USP9Y: variants seen among roughly 807,000 people sequenced by gnomAD.
USP9Y encodes ubiquitin specific peptidase 9 Y-linked, also known as ubiquitin carboxyl-terminal hydrolase 9Y.
USP9Y carries 41 observed loss-of-function variants against 53.1 expected under a neutral mutation model. The ratio of observed to expected loss-of-function variants is 0.77; its 90% confidence interval spans 0.60 to 1.00. The LOEUF (loss-of-function observed/expected upper bound fraction) is 1.00, where lower values mean the gene tolerates loss of function less well. USP9Y is among the 50% of genes least tolerant of loss of function. The pLI, the probability that USP9Y is intolerant of heterozygous loss-of-function variation, is 0.00. For missense variants in USP9Y, 567 were observed against 535.8 expected (o/e 1.06, Z -0.58); for synonymous variants, 220 against 173.7 (o/e 1.27, Z -2.09).
At chrY:12,816,424 G>A in intron 32 of USP9Y, 80 bp downstream of exon 32, 2 of 244,438 alleles carry the variant, frequency 8.2e-6, no homozygotes, top group East Asian at 1.1e-4. Flanking sequence ...ACTTTCATGG[G>A]ATGTTATGGG....
At chrY:12,713,708 CTGTAGCA>C (rs2053427123) in intron 3 of USP9Y, among the ~76,000 whole-genome samples, 1 of 31,271 alleles carries the variant, frequency 3.2e-5, no homozygotes, top group Non-Finnish European at 7.6e-5. Flanking sequence ...AGATGTTTGC[CTGTAGCA>C]TGTTTCAAAC....
At chrY:12,716,252 A>C (rs779249135) in intron 3 of USP9Y, among the ~76,000 whole-genome samples, 1 of 34,241 alleles carries the variant, frequency 2.9e-5, no homozygotes, top group African/African-American at 1.1e-4. Context: ...GTAAGTTCTA[A>C]ACAGAAAAAA....
chrY:12,805,722 A>G (rs2053523902), intron 27 of USP9Y, among the ~76,000 whole-genome samples: 1 of 33,126 alleles, frequency 3.0e-5, no homozygotes, highest in South Asian at 6.9e-4. Context: ...AAAGCTGTAA[A>G]CCTTGAGATA....
chrY:12,736,775 A>C, intron 10 of USP9Y, among the ~76,000 whole-genome samples: 1 of 32,596 alleles, frequency 3.1e-5, no homozygotes, highest in Admixed American at 2.8e-4. Context: ...TTTTGAATGT[A>C]GCTTTGATGT....
At chrY:12,778,365 G>T (rs2053495230) in intron 20 of USP9Y, 106 bp downstream of exon 20, 4 of 232,982 alleles carry the variant, frequency 1.7e-5, no homozygotes, top group Non-Finnish European at 1.9e-5. Context: ...ATGTCTGTTG[G>T]GCATCTAACT....
At chrY:12,790,907 C>G in intron 25 of USP9Y, among the ~76,000 whole-genome samples, 1 of 33,378 alleles carries the variant, frequency 3.0e-5, no homozygotes, top group Non-Finnish European at 7.4e-5. Context: ...GAATCATATA[C>G]GTTGTACTCT....
At chrY:12,848,372 T>C (rs1569393164) in intron 42 of USP9Y, among the ~76,000 whole-genome samples, 2 of 33,352 alleles carry the variant, frequency 6.0e-5, no homozygotes, top group East Asian at 1.6e-3. Flanking sequence ...TATTAGGCCT[T>C]TGTCAGATGG....
intron 7 of USP9Y, among the ~76,000 whole-genome samples, chrY:12,729,306 A>G (rs2148280998): frequency 2.9e-5 from 1 of 34,502 alleles, no homozygotes; most frequent in Non-Finnish European, 7.3e-5. Flanking sequence ...CTTTTGCCGC[A>G]TCTCATAAGT....
chrY:12,760,041 A>G (rs2053473615), intron 14 of USP9Y, among the ~76,000 whole-genome samples: 40 of 33,864 alleles, frequency 1.2e-3, no homozygotes, highest in Admixed American at 0.011. Flanking sequence ...CAGTACATAC[A>G]CTTTCTTAAG....
At chrY:12,855,991 T>G in intron 42 of USP9Y, among the ~76,000 whole-genome samples, 1 of 32,158 alleles carries the variant, frequency 3.1e-5, no homozygotes, top group African/African-American at 1.2e-4. Flanking sequence ...AAAAGAAATA[T>G]GAAAAATTAT....
chrY:12,842,550 A>G lies in USP9Y; in HGVS notation c.6438+85A>G. Reference sequence around the variant, plus strand: ...TCTGCAAATTCATATTAGCAAATTTATGTTCCTCTCTTTGATGTATTCACC... The same window carrying G: ...TCTGCAAATTCATATTAGCAAATTTGTGTTCCTCTCTTTGATGTATTCACC... On this transcript the variant is annotated intron_variant, in intron 38 of 45. Coordinates refer to ENST00000338981, the MANE Select transcript of USP9Y (RefSeq NM_004654.4). 3 of 213,990 alleles carry G rather than the reference A, an allele frequency of 1.4e-5. No individual in the cohort carries two copies. In the Admixed American group the frequency reaches 3.1e-4, roughly 22 times the overall value. 53.4% of individuals were successfully genotyped at this position (213,990 alleles called of 400,897 possible).
At chrY:12,707,642 TTCTC>T (rs2053420483) in intron 1 of USP9Y, among the ~76,000 whole-genome samples, 1 of 33,420 alleles carries the variant, frequency 3.0e-5, no homozygotes, top group Non-Finnish European at 7.4e-5. Flanking sequence ...CTTACTCTGT[TTCTC>T]TCTCTCTCTT....
chrY:12,785,584 A>C (rs1004265968), intron 22 of USP9Y, among the ~76,000 whole-genome samples: 1 of 33,045 alleles, frequency 3.0e-5, no homozygotes, highest in Non-Finnish European at 7.5e-5. Context: ...AGTTTTTCCA[A>C]AGTGGCTGTA....
Position 12,840,166 on chromosome Y carries a change from G to T in USP9Y, c.5640G>T (p.Gly1880=), listed in dbSNP as rs770271512. The T allele has an allele frequency of 1.3e-5, 5 of 398,172 alleles. No homozygotes were observed. Among genetic ancestry groups the T allele is most frequent in the Non-Finnish European group, 1.4e-5 (4 of 283,232 alleles). Reference sequence around the variant, plus strand: ...TACACAGTGGTCAAGCAAGCGGTGGGCATTATTATTCTTACATCATTCAAA... The same window carrying T: ...TACACAGTGGTCAAGCAAGCGGTGGTCATTATTATTCTTACATCATTCAAA... The part of the protein sequence containing the change: ...VLVHSGQASG[G]HYYSYIIQRN... Residue 1880 remains glycine, a synonymous_variant, in exon 36 of 46, where the codon GGG becomes GGT. Transcript: ENST00000338981.
intron 27 of USP9Y, chrY:12,803,150 T>C (rs2053520881): frequency 3.0e-5 from 1 of 33,340 alleles, no homozygotes; most frequent in African/African-American, 1.2e-4. Context: ...AGCAATGTAC[T>C]TTCTTCCTTG....
Position 12,818,527 on chromosome Y carries a change from A to G in USP9Y, c.4938A>G (p.Leu1646=). The G allele has an allele frequency of 2.5e-6, 1 of 397,427 alleles. No homozygotes were observed. The highest frequency in any genetic ancestry group is 3.5e-6 in the Non-Finnish European group (1 of 282,562). ...GGAAAGAGTATAATATTGGTGTCCT[A>G]AGACACCTTCAGGTCATCTTTGGTC... ...EDRKEYNIGV[L]RHLQVIFGHL... The change falls in exon 33 of 46, where the codon CTA becomes CTG. Residue 1646 remains leucine (L), a synonymous_variant. Transcript: ENST00000338981.
Position 12,810,295 on chromosome Y carries a change from G to A in USP9Y, c.4092+8G>A, listed in dbSNP as rs1234384155. ...CTCTTTACCATACTGGGGGTGAGAA[G>A]TTTTCAAATGAACTTATCAATATAA... On this transcript the variant is annotated splice_region_variant and intron_variant, in intron 28 of 45. Coordinates refer to ENST00000338981, the MANE Select transcript of USP9Y (RefSeq NM_004654.4). 3 of 377,790 alleles carry A rather than the reference G, an allele frequency of 7.9e-6. No homozygotes were observed. The highest frequency in any genetic ancestry group is 1.1e-5 in the Non-Finnish European group (3 of 264,556). The allele number at this position is 377,790 out of a possible 400,897, so 94.2% of individuals were successfully genotyped here. A position where few individuals can be genotyped will look rare whatever the true frequency, so the allele number is the denominator to read the frequency against.
At chrY:12,794,736 C>G (rs2053511365) in intron 27 of USP9Y, among the ~76,000 whole-genome samples, 1 of 33,127 alleles carries the variant, frequency 3.0e-5, no homozygotes. Context: ...ATGGTCTTAC[C>G]CCATTGAGTG....
intron 34 of USP9Y, among the ~76,000 whole-genome samples, chrY:12,834,611 C>A (rs2053553681): frequency 3.0e-5 from 1 of 33,272 alleles, no homozygotes; most frequent in Admixed American, 2.8e-4. Context: ...TCAAAGATAT[C>A]ACACAACTTA....
Sources: gnomAD v4.1 joint callset for allele counts (sites outside exome capture counted in the v4.1 genomes callset) on GRCh38, gnomAD v4.1.1 for gene constraint, MANE v1.5 for transcripts, NCBI Gene and HGNC (gene_info 2026-07-23, HGNC 2026-07-21) for gene names.